The following PLCB2 variants were observed in gnomAD, a reference collection of about 807,000 sequenced individuals.
The protein encoded by PLCB2 is 1-phosphatidylinositol 4,5-bisphosphate phosphodiesterase beta-2.
In PLCB2, 115 loss-of-function variants were observed where a neutral mutation model predicts 141.7. That is an observed-to-expected ratio of 0.81 (90% CI 0.70 to 0.95). PLCB2 has a LOEUF of 0.95. Ranked by LOEUF, PLCB2 falls within the 40% of genes least tolerant of loss-of-function variation. PLCB2 has a pLI of 0.00. For missense variants in PLCB2, 1,403 were observed against 1,541.1 expected (o/e 0.91, Z 1.50); for synonymous variants, 603 against 595.6 (o/e 1.01, Z -0.18).
chr15:40,284,316 G>T (rs1323289692), downstream of PLCB2: 6 of 330,888 alleles, frequency 1.8e-5, 1 homozygote, highest in East Asian at 5.6e-4. Flanking sequence ...GCCGGCAGCG[G>T]GTAAGAGAGA....
chr15:40,292,035 C>A (rs1260598182), intron 23 of PLCB2, 29 bp downstream of exon 23: 6 of 1,608,182 alleles, frequency 3.7e-6, no homozygotes, highest in Non-Finnish European at 5.1e-6. Flanking sequence ...CTCTGGTGAG[C>A]CCCTGGCAGC....
Position 40,295,027 on chromosome 15 carries a change from G to A in PLCB2, c.1815C>T (p.Pro605=). 6.2e-7 allele frequency: 1 copy of A among 1,613,828 alleles called. No homozygotes were observed. Among genetic ancestry groups the A allele is most frequent in the Non-Finnish European group, 8.5e-7 (1 of 1,179,792 alleles). The change falls in exon 18 of 32, where the codon CCC becomes CCT. Residue 605 remains proline (P), a synonymous_variant. Coordinates refer to ENST00000260402, the MANE Select transcript of PLCB2 (RefSeq NM_004573.3). ...TGGAGGAGTCCATGCGGGTTCCCTT[G>A]GGGTAAATGCGGCTCATCTGGCGCT... ...YNKRQMSRIY[P]KGTRMDSSNY...
At chr15:40,303,146 C>T in intron 3 of PLCB2, 142 bp downstream of exon 3, 1 of 679,402 alleles carries the variant, frequency 1.5e-6, no homozygotes, top group Non-Finnish European at 2.6e-6. Flanking sequence ...CCTTGGCTTC[C>T]AGCCACGGTC....
intron 9 of PLCB2, 36 bp from the exon 10 acceptor site, chr15:40,298,744 C>T (rs1333394859): frequency 8.7e-6 from 14 of 1,612,174 alleles, no homozygotes; most frequent in East Asian, 2.2e-5. Flanking sequence ...GCTACAACCC[C>T]GCTGCCAAGG....
chr15:40,295,200 C>T lies in PLCB2; in HGVS notation c.1781+1G>A, dbSNP rs752353883. 13 of 1,613,386 alleles carry T rather than the reference C, an allele frequency of 8.1e-6. No homozygotes were observed. In the East Asian group the frequency reaches 2.0e-4, roughly 25 times the overall value. ...CCTGGCCACTGAAACCTCAAGGATA[C>T]TCCACAAACTGCACCGAGGCCTTGG... On this transcript the variant is annotated splice_donor_variant, in intron 17 of 31. Transcript: ENST00000260402. LOFTEE classifies it high-confidence loss of function.
intron 31 of PLCB2, 157 bp downstream of exon 31, chr15:40,289,115 T>G (rs2039708842): frequency 1.0e-6 from 1 of 997,600 alleles, no homozygotes; most frequent in Admixed American, 2.6e-5. Flanking sequence ...GGCGGAGATC[T>G]GCAGAGCTGC....
rs1273966997 is a variant in PLCB2, at chr15:40,290,847, G to A, written c.3037-10C>T. The A allele has an allele frequency of 6.2e-7, 1 of 1,609,804 alleles. No individual in the cohort carries two copies. Among genetic ancestry groups the A allele is most frequent in the East Asian group, 2.2e-5 (1 of 44,720 alleles). ...TCATTTTGGAGATTTGCTGCAGGGA[G>A]AGGAAGTAAGCTTGGCGAGAAGCCC... On this transcript the variant is annotated splice_polypyrimidine_tract_variant and intron_variant, in intron 27 of 31. Transcript: ENST00000260402.
chr15:40,296,565 C>T lies in PLCB2; in HGVS notation c.1556G>A (p.Gly519Glu), dbSNP rs374751493. 4.3e-6 allele frequency: 7 copies of T among 1,613,486 alleles called. No individual in the cohort carries two copies. The African/African-American group carries it at 9.3e-5, about 22-fold the overall frequency. ...CTTAATCTCTTCTTCATCCAGGTTT[C>T]CTGACTCCTCCTCCTCTTCCTCTTC... ...EVEEEEEEES[G>E]NLDEEEIKKM... The change falls in exon 15 of 32, where the codon GGA becomes GAA. Residue 519 changes from glycine (G) to glutamate (E), a missense_variant. Transcript: ENST00000260402.
At chr15:40,289,002 G>A (rs1191787866) in intron 31 of PLCB2, 84 bp from the exon 32 acceptor site, 7 of 1,543,348 alleles carry the variant, frequency 4.5e-6, no homozygotes, top group Non-Finnish European at 6.1e-6. Flanking sequence ...AACAGGAGAT[G>A]CCCAATATCC....
At position 40,303,332 on chromosome 15, in the gene PLCB2, T is replaced by C; in HGVS notation, c.187A>G (p.Ser63Gly). The change falls in exon 3 of 32, where the codon AGC becomes GGC. Residue 63 changes from serine (S) to glycine (G), a missense_variant. Coordinates refer to ENST00000260402, the MANE Select transcript of PLCB2 (RefSeq NM_004573.3). Reference protein sequence around the residue: ...SKEMEFLDITSIRDTRFGKFA... With the variant: ...SKEMEFLDITGIRDTRFGKFA... ...TTCCCAAAGCGAGTATCCCGGATGC[T>C]GGTGATATCCAGAAACTCCATCTCC... is the stretch of plus-strand genomic sequence containing the variant. The C allele has an allele frequency of 3.1e-6, 5 of 1,613,742 alleles. No homozygotes were observed. Among genetic ancestry groups the C allele is most frequent in the Non-Finnish European group, 4.2e-6 (5 of 1,179,770 alleles).
At chr15:40,284,634 G>C (rs1479016639), downstream of PLCB2, 2 of 449,838 alleles carry the variant, frequency 4.4e-6, no homozygotes, top group East Asian at 7.0e-5. Context: ...GAGATCAAGG[G>C]ATCGAGACCA....
Position 40,301,996 on chromosome 15 carries a change from C to T in PLCB2, c.543G>A (p.Val181=), listed in dbSNP as rs2040533110. 1.2e-6 allele frequency: 2 copies of T among 1,614,138 alleles called. No homozygotes were observed. Among genetic ancestry groups the T allele is most frequent in the South Asian group, 2.2e-5 (2 of 91,078 alleles). ...GGTGGCAGGCACTGAGAGCAGCTTC[C>T]ACCCGCTTGCGGTCAGCAGGAAACA... ...FQMFPADRKR[V]EAALSACHLP... is the part of the protein sequence containing the mutation. Residue 181 remains valine, a synonymous_variant, in exon 7 of 32, where the codon GTG becomes GTA. Coordinates refer to ENST00000260402, the MANE Select transcript of PLCB2 (RefSeq NM_004573.3).
intron 1 of PLCB2, among the ~76,000 whole-genome samples, chr15:40,306,004 A>C (rs944594344): frequency 2.0e-5 from 3 of 152,194 alleles, no homozygotes; most frequent in African/African-American, 7.2e-5. Context: ...GGATTTTGTG[A>C]TGAAAAGTGA....
intron 1 of PLCB2, 131 bp from the exon 2 acceptor site, chr15:40,304,209 T>C: frequency 1.5e-6 from 1 of 652,080 alleles, no homozygotes. Flanking sequence ...CATTTCCTTT[T>C]GTTGTCTAGA....
rs1304340571 is a variant in PLCB2 at position 40,291,344 on chromosome 15, G to A, written c.2791C>T (p.Leu931=). ...ACGCCCGGTGGCCCGAGCTCCGCCAGCTGCGCCGCGCCCCGCTGCAGCAGC... is the reference window on the plus strand; with the variant it reads ...ACGCCCGGTGGCCCGAGCTCCGCCAACTGCGCCGCGCCCCGCTGCAGCAGC... The part of the protein sequence containing the change: ...EELLQRGAAQ[L]AELGPPGVGG... The change falls in exon 26 of 32, where the codon CTG becomes TTG. Residue 931 remains leucine (L), a synonymous_variant. Transcript: ENST00000260402. The A allele has an allele frequency of 6.6e-7, 1 of 1,524,906 alleles. No individual in the cohort carries two copies. Among genetic ancestry groups the A allele is most frequent in the East Asian group, 2.5e-5 (1 of 39,772 alleles). The allele number at this position is 1,524,906 out of a possible 1,614,324, so 94.5% of individuals were successfully genotyped here.
chr15:40,303,851 C>A lies in PLCB2; in HGVS notation c.162+150G>T, dbSNP rs1035040393. 268 of 594,792 alleles carry A rather than the reference C, an allele frequency of 4.5e-4. 6 individuals carry two copies. Among genetic ancestry groups the A allele is most frequent in the South Asian group, 4.4e-3 (215 of 48,446 alleles). 36.8% of individuals were successfully genotyped at this position (594,792 alleles called of 1,614,324 possible). A position where few individuals can be genotyped will look rare whatever the true frequency, so the allele number is the denominator to read the frequency against. On this transcript the variant is annotated intron_variant, in intron 2 of 31. Coordinates refer to ENST00000260402, the MANE Select transcript of PLCB2 (RefSeq NM_004573.3). ...GCATCCTCCTTTCCAGAGCAAAGAG[C>A]CCCTGCCTACAGGGGAGCCTCTGGA... is the stretch of plus-strand genomic sequence containing the variant.
chr15:40,291,784 A>G (rs761611189), intron 24 of PLCB2, 65 bp downstream of exon 24: 1 of 1,610,994 alleles, frequency 6.2e-7, no homozygotes, highest in South Asian at 1.1e-5. Flanking sequence ...AATTTTTTAA[A>G]GGGAAGTGCC....
At chr15:40,290,430 G>T in intron 29 of PLCB2, 147 bp downstream of exon 29, 4 of 711,232 alleles carry the variant, frequency 5.6e-6, no homozygotes, top group Non-Finnish European at 1.0e-5. Flanking sequence ...AGGACACTCT[G>T]ATCAAAGGTG....
Position 40,295,215 on chromosome 15 carries a change from CG to C in PLCB2, c.1766del (p.Ser589TrpfsTer12). On this transcript the variant is annotated frameshift_variant, in exon 17 of 32. Coordinates refer to ENST00000260402, the MANE Select transcript of PLCB2 (RefSeq NM_004573.3). LOFTEE classifies it high-confidence loss of function. ...LKAYDLLSKA[S>X]VQFVDYNKRQ... ...CTCAAGGATACTCCACAAACTGCAC[CG>C]AGGCCTTGGAGAGCAGGTCATATGC... is the stretch of plus-strand genomic sequence containing the variant. The C allele has an allele frequency of 6.2e-7, 1 of 1,613,784 alleles. No homozygotes were observed. The highest frequency in any genetic ancestry group is 8.5e-7 in the Non-Finnish European group (1 of 1,179,694).
Sources: gnomAD v4.1 joint callset for allele counts (sites outside exome capture counted in the v4.1 genomes callset) on GRCh38, gnomAD v4.1.1 for gene constraint, MANE v1.5 for transcripts, NCBI Gene and HGNC (gene_info 2026-07-23, HGNC 2026-07-21) for gene names.